The following ABTB2 variants were observed in gnomAD, a reference collection of about 807,000 sequenced individuals.
ABTB2 encodes the protein ankyrin repeat and BTB/POZ domain-containing protein 2.
Under a neutral mutation model 104.1 loss-of-function variants are expected in ABTB2, and 56 were observed. That is an observed-to-expected ratio of 0.54 (90% CI 0.43 to 0.67). The LOEUF is 0.67. ABTB2 is among the 30% of genes least tolerant of loss of function. ABTB2 has a pLI of 0.00. For missense variants in ABTB2, 1,279 were observed against 1,407.7 expected (o/e 0.91, Z 1.46); for synonymous variants, 606 against 608.2 (o/e 1.00, Z 0.05).
At chr11:34,281,540 A>C (rs921595506) in intron 1 of ABTB2, among the ~76,000 whole-genome samples, 5 of 152,224 alleles carry the variant, frequency 3.3e-5, no homozygotes. Flanking sequence ...CCATGCTCTG[A>C]AATTCTAGCA....
chr11:34,192,659 T>C (rs1360106572), intron 3 of ABTB2, among the ~76,000 whole-genome samples: 1 of 152,234 alleles, frequency 6.6e-6, no homozygotes, highest in African/African-American at 2.4e-5. Flanking sequence ...ATCTGAGGCT[T>C]AGCAAGCGGA....
At chr11:34,244,202 T>C (rs1348609175) in intron 1 of ABTB2, among the ~76,000 whole-genome samples, 1 of 151,672 alleles carries the variant, frequency 6.6e-6, no homozygotes, top group Non-Finnish European at 1.5e-5. Context: ...GGTAATTGTT[T>C]CTTTAAAAAA....
chr11:34,326,010 TAAAATAAAG>T (rs2133113970), intron 1 of ABTB2, among the ~76,000 whole-genome samples: 1 of 140,136 alleles, frequency 7.1e-6, no homozygotes, highest in South Asian at 2.3e-4. Flanking sequence ...TAAAATAAAA[TAAAATAAAG>T]AAAAAGCTGG....
intron 1 of ABTB2, among the ~76,000 whole-genome samples, chr11:34,297,395 A>AC (rs1854634524): frequency 6.6e-6 from 1 of 152,120 alleles, no homozygotes; most frequent in African/African-American, 2.4e-5. Context: ...ACAAAAACAT[A>AC]CCCCTACTGG....
At chr11:34,265,504 T>C (rs994380354) in intron 1 of ABTB2, among the ~76,000 whole-genome samples, 3 of 151,390 alleles carry the variant, frequency 2.0e-5, no homozygotes, top group African/African-American at 7.3e-5. Context: ...CTACTAAAAA[T>C]ACAAAATTAG....
chr11:34,184,794 G>A (rs1199796969), intron 3 of ABTB2, among the ~76,000 whole-genome samples: 5 of 152,242 alleles, frequency 3.3e-5, no homozygotes, highest in African/African-American at 9.6e-5. Flanking sequence ...TACTGGCCAC[G>A]CCCCACCCAT....
At chr11:34,304,497 G>A (rs912069014) in intron 1 of ABTB2, among the ~76,000 whole-genome samples, 6 of 152,152 alleles carry the variant, frequency 3.9e-5, no homozygotes, top group African/African-American at 1.2e-4. Flanking sequence ...TAACCCATGA[G>A]GTAAGTATCA....
At chr11:34,319,832 C>T (rs558842520) in intron 1 of ABTB2, among the ~76,000 whole-genome samples, 1 of 152,266 alleles carries the variant, frequency 6.6e-6, no homozygotes, top group East Asian at 1.9e-4. Context: ...CCACGCCCAG[C>T]TAATTTTTGT....
At chr11:34,277,043 A>C (rs988580939) in intron 1 of ABTB2, among the ~76,000 whole-genome samples, 2 of 152,194 alleles carry the variant, frequency 1.3e-5, no homozygotes, top group African/African-American at 4.8e-5. Context: ...CTGGGATTAC[A>C]GGGACCTGCC....
chr11:34,345,646 G>A (rs1855322149), intron 1 of ABTB2, among the ~76,000 whole-genome samples: 1 of 151,936 alleles, frequency 6.6e-6, no homozygotes, highest in Non-Finnish European at 1.5e-5. Flanking sequence ...TGCCTTCTCA[G>A]AGGCAGCCCT....
At chr11:34,194,997 C>T (rs544338607) in intron 3 of ABTB2, among the ~76,000 whole-genome samples, 13 of 148,436 alleles carry the variant, frequency 8.8e-5, no homozygotes, top group African/African-American at 3.0e-4. Flanking sequence ...ATGAAGAAAC[C>T]CTGATGCTGT....
At chr11:34,354,212 T>C (rs1349646074) in intron 1 of ABTB2, among the ~76,000 whole-genome samples, 1 of 152,058 alleles carries the variant, frequency 6.6e-6, no homozygotes, top group Non-Finnish European at 1.5e-5. Flanking sequence ...GGAGACACTT[T>C]GACTCTGAGC....
chr11:34,234,196 G>C (rs2133058887), intron 1 of ABTB2, among the ~76,000 whole-genome samples: 1 of 152,302 alleles, frequency 6.6e-6, no homozygotes, highest in African/African-American at 2.4e-5. Flanking sequence ...CGTCTCCCTG[G>C]AGGAGGTGCC....
intron 1 of ABTB2, among the ~76,000 whole-genome samples, chr11:34,256,363 C>G (rs1854123148): frequency 6.6e-6 from 1 of 152,140 alleles, no homozygotes. Flanking sequence ...TCCCTTTCGT[C>G]TTCTGAGTCA....
chr11:34,239,400 G>T (rs1853886434), intron 1 of ABTB2, among the ~76,000 whole-genome samples: 1 of 151,890 alleles, frequency 6.6e-6, no homozygotes, highest in Admixed American at 6.6e-5. Context: ...GTGGTATTAT[G>T]ATCACGGTTT....
chr11:34,260,863 G>A (rs1854180546), intron 1 of ABTB2, among the ~76,000 whole-genome samples: 1 of 152,156 alleles, frequency 6.6e-6, no homozygotes, highest in Non-Finnish European at 1.5e-5. Flanking sequence ...CCTGTGGGGT[G>A]TATAGCTTTC....
intron 6 of ABTB2, 71 bp downstream of exon 6, chr11:34,167,832 T>C: frequency 4.0e-6 from 6 of 1,491,180 alleles, no homozygotes; most frequent in Non-Finnish European, 4.7e-6. Flanking sequence ...ACGCCCAGCG[T>C]GTTTGTTGGA....
At chr11:34,316,586 A>G (rs1854933095) in intron 1 of ABTB2, among the ~76,000 whole-genome samples, 1 of 152,146 alleles carries the variant, frequency 6.6e-6, no homozygotes, top group Non-Finnish European at 1.5e-5. Context: ...TTCATCATCA[A>G]CTACAAGGCT....
intron 3 of ABTB2, among the ~76,000 whole-genome samples, chr11:34,175,130 T>C: frequency 6.6e-6 from 1 of 152,254 alleles, no homozygotes. Context: ...CAGCCTGGGC[T>C]GCCCTCGGAA....
Sources: allele counts gnomAD v4.1 joint callset (sites outside exome capture counted in the v4.1 genomes callset), GRCh38; gene constraint gnomAD v4.1.1; transcripts MANE v1.5; gene names NCBI Gene and HGNC (gene_info 2026-07-23, HGNC 2026-07-21).